Variants in VSNL1 observed in about 807,000 individuals in gnomAD.
VSNL1 encodes visinin-like protein 1.
VSNL1 carries 6 observed loss-of-function variants against 20.4 expected under a neutral mutation model. That is an observed-to-expected ratio of 0.29 (90% CI 0.16 to 0.58). VSNL1 has a LOEUF of 0.58. Among genes scored for constraint, VSNL1 ranks in the 20% least tolerant of loss-of-function variants. VSNL1 has a pLI of 0.90. For synonymous variants in VSNL1, 93 were observed against 86.4 expected (o/e 1.08, Z -0.42); for missense variants, 100 against 234.5 (o/e 0.43, Z 3.75).
At chr2:17,591,258 T>A (rs959353564) in intron 1 of VSNL1, among the ~76,000 whole-genome samples, 2 of 152,078 alleles carry the variant, frequency 1.3e-5, no homozygotes, top group Non-Finnish European at 2.9e-5. Context: ...GGAAGAAAAA[T>A]CAGGAATTAT....
chr2:17,599,194 A>T (rs992698802), intron 2 of VSNL1, among the ~76,000 whole-genome samples: 5 of 152,188 alleles, frequency 3.3e-5, no homozygotes, highest in East Asian at 3.8e-4. Context: ...AACAGCTATC[A>T]CACTGGGTTG....
rs1469161478 is a variant in VSNL1 at position 17,634,969 on chromosome 2, C to T, written c.163-14441C>T. ...GAACACACATACACACGTACACACA[C>T]ATACATGTGCACATACATACATACA... On this transcript the variant is annotated intron_variant, in intron 2 of 3. Coordinates refer to ENST00000295156, the MANE Select transcript of VSNL1 (RefSeq NM_003385.5). This position sits in a 1 kb window ranked among gnomAD's most constrained non-coding sequence, Gnocchi z 4.3. 2.0e-5 allele frequency among the ~76,000 whole-genome samples: 3 copies of T among 152,302 alleles called. No homozygotes were observed. Among genetic ancestry groups the T allele is most frequent in the East Asian group, 1.9e-4 (1 of 5,182 alleles).
chr2:17,540,336 C>A (rs909876678), upstream of VSNL1, among the ~76,000 whole-genome samples: 1 of 152,274 alleles, frequency 6.6e-6, no homozygotes, highest in Admixed American at 6.5e-5. Flanking sequence ...CTGGCCTCGG[C>A]CTTCAGCCCC....
upstream of VSNL1, chr2:17,540,567 G>C (rs780925461): frequency 6.5e-6 from 1 of 152,770 alleles, no homozygotes. Flanking sequence ...AGGCTCCCGA[G>C]TTCTCCTAGC....
chr2:17,554,698 G>C (rs1288294991), intron 1 of VSNL1, among the ~76,000 whole-genome samples: 1 of 152,090 alleles, frequency 6.6e-6, no homozygotes, highest in East Asian at 1.9e-4. Context: ...CTCAGTGAGG[G>C]TTGGGAATTT....
At chr2:17,550,525 C>T (rs1663508500) in intron 1 of VSNL1, among the ~76,000 whole-genome samples, 2 of 152,136 alleles carry the variant, frequency 1.3e-5, no homozygotes, top group South Asian at 2.1e-4. Context: ...GTCAAGCTCA[C>T]GTGTTTGCTC....
intron 1 of VSNL1, among the ~76,000 whole-genome samples, chr2:17,586,524 GA>G (rs1244387560): frequency 3.9e-5 from 6 of 152,174 alleles, no homozygotes; most frequent in Middle Eastern, 3.2e-3. Context: ...TCTCTACTAT[GA>G]GTATTCATTT....
chr2:17,577,687 G>A (rs892700731), intron 1 of VSNL1, among the ~76,000 whole-genome samples: 3 of 152,140 alleles, frequency 2.0e-5, no homozygotes, highest in Admixed American at 6.5e-5. Flanking sequence ...CCAGGGGCAG[G>A]CAACTGTGAG....
intron 2 of VSNL1, among the ~76,000 whole-genome samples, chr2:17,635,474 T>C (rs1365236817): frequency 6.6e-6 from 1 of 152,236 alleles, no homozygotes; most frequent in African/African-American, 2.4e-5. Context: ...TTCTTGCTTT[T>C]GGAGTTTAAG....
chr2:17,605,166 A>G (rs141047045), intron 2 of VSNL1, among the ~76,000 whole-genome samples: 1 of 152,222 alleles, frequency 6.6e-6, no homozygotes. Flanking sequence ...AATAAATGGT[A>G]AAGGTCACTC....
intron 2 of VSNL1, among the ~76,000 whole-genome samples, chr2:17,619,954 G>C (rs749579558): frequency 6.6e-6 from 1 of 152,004 alleles, no homozygotes; most frequent in African/African-American, 2.4e-5. Context: ...GTGGAGTCAT[G>C]CCCAGGGTCT....
intron 1 of VSNL1, among the ~76,000 whole-genome samples, chr2:17,575,404 T>G (rs1171091233): frequency 6.6e-6 from 1 of 152,238 alleles, no homozygotes; most frequent in Non-Finnish European, 1.5e-5. Context: ...TAGTGGGAGT[T>G]AGGAAACCTG....
intron 2 of VSNL1, among the ~76,000 whole-genome samples, chr2:17,642,673 C>A (rs1558310049): frequency 6.6e-6 from 1 of 152,124 alleles, no homozygotes; most frequent in Non-Finnish European, 1.5e-5. Context: ...GCCTCATTCT[C>A]ATTTTTTATA....
At chr2:17,645,555 C>T (rs952453689) in intron 2 of VSNL1, among the ~76,000 whole-genome samples, 17 of 152,238 alleles carry the variant, frequency 1.1e-4, no homozygotes, top group African/African-American at 3.6e-4. Context: ...TCTGTGCCCA[C>T]GCTGGGTGGG....
At chr2:17,599,048 G>A (rs995897533) in intron 2 of VSNL1, among the ~76,000 whole-genome samples, 16 of 152,212 alleles carry the variant, frequency 1.1e-4, no homozygotes, top group African/African-American at 3.6e-4. Context: ...CAGTCCTCCT[G>A]AGCACTTCTA....
chr2:17,645,932 T>C (rs1394052393), intron 2 of VSNL1, among the ~76,000 whole-genome samples: 2 of 152,228 alleles, frequency 1.3e-5, no homozygotes, highest in African/African-American at 2.4e-5. Context: ...GTCAGCAGCC[T>C]GTATATTAGG....
chr2:17,638,789 T>C (rs906028563), intron 2 of VSNL1, among the ~76,000 whole-genome samples: 4 of 152,200 alleles, frequency 2.6e-5, no homozygotes, highest in African/African-American at 9.7e-5. Flanking sequence ...TCAGGTCACA[T>C]TAGCTGCAGT....
At chr2:17,627,288 G>C (rs1665534414) in intron 2 of VSNL1, among the ~76,000 whole-genome samples, 1 of 152,198 alleles carries the variant, frequency 6.6e-6, no homozygotes, top group Non-Finnish European at 1.5e-5. Context: ...TGCCCCCTCT[G>C]TGTTTTCAGG....
chr2:17,568,804 T>G (rs1664015908), intron 1 of VSNL1, among the ~76,000 whole-genome samples: 1 of 152,194 alleles, frequency 6.6e-6, no homozygotes, highest in Admixed American at 6.6e-5. Context: ...AATGTCTTTA[T>G]CTCACTCTCA....
Sources: allele counts gnomAD v4.1 joint callset (sites outside exome capture counted in the v4.1 genomes callset), GRCh38; gene constraint gnomAD v4.1.1; non-coding constraint Gnocchi (gnomAD v3.1); transcripts MANE v1.5; gene names NCBI Gene and HGNC (gene_info 2026-07-23, HGNC 2026-07-21).